Variants in EML5 observed in about 807,000 individuals in gnomAD.
The protein encoded by EML5 is EMAP like 5.
A neutral mutation model predicts 250.0 loss-of-function variants in EML5; 120 were observed. The ratio of observed to expected loss-of-function variants is 0.48; its 90% CI spans 0.41 to 0.56. EML5 has a LOEUF of 0.56. Among genes scored for constraint, EML5 ranks in the 20% least tolerant of loss-of-function variants. EML5 has a pLI of 0.00. For missense variants in EML5, 2,006 were observed against 2,437.6 expected (o/e 0.82, Z 3.73); for synonymous variants, 771 against 806.5 (o/e 0.96, Z 0.75).
rs75015427 is a variant in EML5, at chr14:88,634,307, C to A, written c.4357+162G>T. Among the ~76,000 whole-genome samples, 1,058 of 152,294 alleles carry A rather than the reference C, an allele frequency of 6.9e-3. 9 individuals carry two copies. Among genetic ancestry groups the A allele is most frequent in the African/African-American group, 0.022 (929 of 41,558 alleles). On this transcript the variant is annotated intron_variant, in intron 33 of 43. Coordinates refer to ENST00000554922, the MANE Select transcript of EML5 (RefSeq NM_183387.3). Reference sequence around the variant, plus strand: ...GGCCTCCCCAGCCCCATTTCCTGTACAGCCTGTGGAGCTGTGAGCCAATTA... The same window carrying A: ...GGCCTCCCCAGCCCCATTTCCTGTAAAGCCTGTGGAGCTGTGAGCCAATTA...
chr14:88,642,758 G>T (rs2091137649), intron 31 of EML5, 135 bp downstream of exon 31: 2 of 897,862 alleles, frequency 2.2e-6, no homozygotes, highest in South Asian at 1.7e-5. Flanking sequence ...TCTGAAATAT[G>T]AAATATTTTT....
intron 2 of EML5, among the ~76,000 whole-genome samples, chr14:88,750,331 A>AAGGAGGTAG (rs1289344988): frequency 1.3e-5 from 2 of 152,274 alleles, no homozygotes; most frequent in African/African-American, 4.8e-5. Context: ...ACACTATTTA[A>AAGGAGGTAG]AGGAGTTAGA....
At chr14:88,642,869 G>C (rs771979616) in intron 31 of EML5, 24 bp downstream of exon 31, 2 of 1,577,326 alleles carry the variant, frequency 1.3e-6, no homozygotes, top group Non-Finnish European at 1.7e-6. Context: ...ATTGATAGAG[G>C]GATGGAGAAT....
intron 8 of EML5, among the ~76,000 whole-genome samples, chr14:88,722,546 T>C (rs974717916): frequency 6.6e-6 from 1 of 151,680 alleles, no homozygotes; most frequent in Admixed American, 6.6e-5. Flanking sequence ...TTCTCGTTTA[T>C]AAGTGGGAGC....
At chr14:88,700,367 C>T (rs2093181689) in intron 14 of EML5, among the ~76,000 whole-genome samples, 1 of 151,900 alleles carries the variant, frequency 6.6e-6, no homozygotes, top group African/African-American at 2.4e-5. Flanking sequence ...ATACAGAGAC[C>T]TCTGCAACAA....
At chr14:88,730,813 T>G (rs911512524) in intron 7 of EML5, among the ~76,000 whole-genome samples, 14 of 152,200 alleles carry the variant, frequency 9.2e-5, no homozygotes, top group African/African-American at 3.1e-4. Context: ...AACTAACTGA[T>G]GGTGGGAAAA....
At chr14:88,776,952 A>C (rs979772541) in intron 1 of EML5, among the ~76,000 whole-genome samples, 1 of 152,156 alleles carries the variant, frequency 6.6e-6, no homozygotes, top group East Asian at 1.9e-4. Flanking sequence ...TAGTCTCAAA[A>C]GGGCAAATAA....
intron 19 of EML5, 85 bp downstream of exon 19, chr14:88,687,131 A>C (rs2092850997): frequency 7.9e-6 from 8 of 1,006,668 alleles, no homozygotes; most frequent in Non-Finnish European, 1.2e-5. Context: ...AATACATGCC[A>C]TGTGTTCCAC....
intron 1 of EML5, among the ~76,000 whole-genome samples, chr14:88,762,989 T>C (rs1475606815): frequency 1.3e-5 from 2 of 152,180 alleles, no homozygotes; most frequent in Non-Finnish European, 2.9e-5. Context: ...CACCAGACTC[T>C]CTGGGACACA....
intron 17 of EML5, among the ~76,000 whole-genome samples, chr14:88,690,832 T>C (rs2092940669): frequency 6.6e-6 from 1 of 152,156 alleles, no homozygotes; most frequent in Non-Finnish European, 1.5e-5. Context: ...AGTGCACAAA[T>C]GGAAGAACTG....
At chr14:88,618,184 G>T in intron 41 of EML5, 44 bp downstream of exon 41, 1 of 1,520,508 alleles carries the variant, frequency 6.6e-7, no homozygotes. Flanking sequence ...TTTCTAACTG[G>T]CCTTCAAAGT....
At chr14:88,669,315 T>C (rs534240089) in intron 21 of EML5, among the ~76,000 whole-genome samples, 45 of 152,308 alleles carry the variant, frequency 3.0e-4, no homozygotes, top group African/African-American at 1.0e-3. Flanking sequence ...GTCATCACTT[T>C]GGCTGTCTGC....
chr14:88,683,745 G>T (rs2092765393), intron 20 of EML5, among the ~76,000 whole-genome samples: 1 of 152,044 alleles, frequency 6.6e-6, no homozygotes, highest in African/African-American at 2.4e-5. Context: ...AATAGACATA[G>T]AAAAAGCATT....
At chr14:88,690,641 A>G (rs1046650379) in intron 17 of EML5, among the ~76,000 whole-genome samples, 1 of 152,198 alleles carries the variant, frequency 6.6e-6, no homozygotes, top group African/African-American at 2.4e-5. Context: ...GAAGATGACA[A>G]ATTGATCAGC....
chr14:88,742,210 A>C (rs573089804), intron 4 of EML5, among the ~76,000 whole-genome samples: 187 of 152,294 alleles, frequency 1.2e-3, no homozygotes, highest in Non-Finnish European at 2.0e-3. Flanking sequence ...TCTAGAATCC[A>C]AATCAATATT....
At chr14:88,693,737 A>G (rs987164459) in intron 17 of EML5, among the ~76,000 whole-genome samples, 4 of 147,818 alleles carry the variant, frequency 2.7e-5, no homozygotes, top group Admixed American at 6.7e-5. Context: ...TCTCTTATAC[A>G]CTTCAGTTTC....
chr14:88,721,014 C>T (rs575755955), intron 8 of EML5, among the ~76,000 whole-genome samples: 14 of 152,060 alleles, frequency 9.2e-5, no homozygotes, highest in Non-Finnish European at 1.9e-4. Flanking sequence ...TATGAATGAA[C>T]TCCCATTCAC....
At chr14:88,624,139 C>T (rs61984735) in intron 36 of EML5, 13,102 of 152,130 alleles carry the variant, frequency 0.086, 683 homozygotes, top group Non-Finnish European at 0.12. Context: ...GCAGTGGCAC[C>T]ATCACAGCTC....
intron 1 of EML5, among the ~76,000 whole-genome samples, chr14:88,778,537 T>C (rs1041435110): frequency 1.3e-5 from 2 of 152,176 alleles, no homozygotes; most frequent in Admixed American, 6.5e-5. Flanking sequence ...TCCTAGAACT[T>C]TGGGAGGCCG....
Sources: allele counts gnomAD v4.1 joint callset (sites outside exome capture counted in the v4.1 genomes callset), GRCh38; gene constraint gnomAD v4.1.1; transcripts MANE v1.5; gene names NCBI Gene and HGNC (gene_info 2026-07-23, HGNC 2026-07-21).